The following KCNH7 variants were observed in gnomAD, a reference collection of about 807,000 sequenced individuals.
The protein encoded by KCNH7 is voltage-gated inwardly rectifying potassium channel KCNH7.
A neutral mutation model predicts 120.8 loss-of-function variants in KCNH7; 49 were observed. That is an observed-to-expected ratio of 0.41 (90% CI 0.32 to 0.51). The LOEUF is 0.51. KCNH7 is among the 20% of genes least tolerant of loss of function. The pLI is 0.38. For synonymous variants in KCNH7, 547 were observed against 516.1 expected, an observed-to-expected ratio of 1.06 and a Z score of -0.81; for missense variants, 1,097 against 1,446.6, an observed-to-expected ratio of 0.76 and a Z score of 3.92.
At chr2:162,625,172 C>A (rs1433213850) in intron 2 of KCNH7, among the ~76,000 whole-genome samples, 1 of 152,090 alleles carries the variant, frequency 6.6e-6, no homozygotes, top group African/African-American at 2.4e-5. Context: ...GCTGGGGTTA[C>A]AGGCATGAGC....
chr2:162,504,221 T>C (rs537656376), intron 6 of KCNH7, among the ~76,000 whole-genome samples: 75 of 152,182 alleles, frequency 4.9e-4, no homozygotes, highest in Non-Finnish European at 9.7e-4. Flanking sequence ...AACCATGCCA[T>C]GTTAGCCCAT....
chr2:162,450,073 A>G (rs1419025319), intron 6 of KCNH7, among the ~76,000 whole-genome samples: 4 of 152,050 alleles, frequency 2.6e-5, no homozygotes, highest in Non-Finnish European at 5.9e-5. Flanking sequence ...AGTATTACCA[A>G]CTTCAAAGAT....
At chr2:162,506,574 G>A (rs1439907454) in intron 5 of KCNH7, among the ~76,000 whole-genome samples, 2 of 151,858 alleles carry the variant, frequency 1.3e-5, no homozygotes, top group African/African-American at 4.8e-5. Flanking sequence ...CAAATATATA[G>A]TTAAATTGTA....
chr2:162,470,544 C>T (rs963830344), intron 6 of KCNH7, among the ~76,000 whole-genome samples: 15 of 151,584 alleles, frequency 9.9e-5, no homozygotes, highest in East Asian at 2.0e-4. Context: ...GGAGCGTCTC[C>T]GCCCGGCAGC....
intron 2 of KCNH7, among the ~76,000 whole-genome samples, chr2:162,726,076 A>G (rs1316592577): frequency 6.6e-6 from 1 of 152,218 alleles, no homozygotes; most frequent in African/African-American, 2.4e-5. Flanking sequence ...CACTCATTGC[A>G]TTTAGTAGAA....
rs540152567 is a variant in KCNH7 at position 162,620,032 on chromosome 2, C to G, written c.308-82952G>C. Among the ~76,000 whole-genome samples the G allele has an allele frequency of 6.6e-5, 10 of 151,334 alleles. No individual in the cohort carries two copies. The South Asian group carries it at 2.1e-3, about 31-fold the overall frequency. ...GAGACCTGTGCTGTTCTCAGACCCACTATACACAGTATATACATATATATG... is the reference window on the plus strand; with the variant it reads ...GAGACCTGTGCTGTTCTCAGACCCAGTATACACAGTATATACATATATATG... On this transcript the variant is annotated intron_variant, in intron 2 of 15. Coordinates refer to ENST00000332142, the MANE Select transcript of KCNH7 (RefSeq NM_033272.4).
At chr2:162,442,879 C>T (rs943006085) in intron 7 of KCNH7, among the ~76,000 whole-genome samples, 2 of 152,222 alleles carry the variant, frequency 1.3e-5, no homozygotes, top group East Asian at 1.9e-4. Flanking sequence ...TAAGAAATTA[C>T]GACTGTTCTT....
intron 2 of KCNH7, among the ~76,000 whole-genome samples, chr2:162,770,176 C>A (rs1332663942): frequency 6.6e-6 from 1 of 151,950 alleles, no homozygotes; most frequent in Non-Finnish European, 1.5e-5. Context: ...TCAATCCACT[C>A]ATCCCTTTAC....
In KCNH7 at chr2:162,423,462, G is replaced by A; in HGVS notation, c.2028C>T (p.Tyr676=). ...CTTTTACTCGCAGCATCTGCATGTG[G>A]TACCTGGCAGTTCCCGAGTATAGTC... ...IQRLYSGTAR[Y]HMQMLRVKEF... The change falls in exon 9 of 16, where the codon TAC becomes TAT. Residue 676 remains tyrosine (Y), a synonymous_variant. Transcript: ENST00000332142. The A allele has an allele frequency of 6.2e-7, 1 of 1,613,988 alleles. No homozygotes were observed.
At chr2:162,733,302 A>C (rs1687791322) in intron 2 of KCNH7, among the ~76,000 whole-genome samples, 1 of 152,220 alleles carries the variant, frequency 6.6e-6, no homozygotes. Context: ...TAGCCCATGT[A>C]GATTACATTA....
At chr2:162,824,791 A>G (rs964170404) in intron 2 of KCNH7, among the ~76,000 whole-genome samples, 11 of 152,096 alleles carry the variant, frequency 7.2e-5, no homozygotes, top group Admixed American at 4.6e-4. Flanking sequence ...TTGTTTATTT[A>G]TTATGACTTT....
intron 2 of KCNH7, among the ~76,000 whole-genome samples, chr2:162,738,576 G>A (rs957200645): frequency 2.6e-5 from 4 of 152,112 alleles, no homozygotes; most frequent in African/African-American, 9.7e-5. Flanking sequence ...GAAAACAAGA[G>A]ACCCACAGGA....
At chr2:162,621,625 T>G (rs1479224736) in intron 2 of KCNH7, among the ~76,000 whole-genome samples, 1 of 152,180 alleles carries the variant, frequency 6.6e-6, no homozygotes, top group Non-Finnish European at 1.5e-5. Flanking sequence ...AGGCTTTAAA[T>G]AAATTCAGTA....
chr2:162,452,149 CAGA>C (rs1396960488), intron 6 of KCNH7, among the ~76,000 whole-genome samples: 1 of 151,758 alleles, frequency 6.6e-6, no homozygotes, highest in African/African-American at 2.4e-5. Flanking sequence ...CAGAACAATC[CAGA>C]GTTGGGGGAG....
chr2:162,480,834 G>A (rs923624484), intron 6 of KCNH7, among the ~76,000 whole-genome samples: 3 of 152,102 alleles, frequency 2.0e-5, no homozygotes, highest in African/African-American at 7.2e-5. Context: ...ACGAAGTGAG[G>A]GGGTTAAGGA....
At chr2:162,579,267 T>C (rs1693792252) in intron 2 of KCNH7, among the ~76,000 whole-genome samples, 1 of 151,976 alleles carries the variant, frequency 6.6e-6, no homozygotes, top group African/African-American at 2.4e-5. Context: ...GCTAAAGTGG[T>C]CCCTTGGCTC....
chr2:162,610,481 G>A (rs2200475), intron 2 of KCNH7, among the ~76,000 whole-genome samples: 96,772 of 152,094 alleles, frequency 0.64, 32,378 homozygotes, highest in African/African-American at 0.84. Flanking sequence ...AAATAAAAGT[G>A]GTTAGAACAT....
chr2:162,578,939 T>A (rs1047922559), intron 2 of KCNH7, among the ~76,000 whole-genome samples: 4 of 151,836 alleles, frequency 2.6e-5, no homozygotes, highest in African/African-American at 9.7e-5. Context: ...TTTTTTTTTT[T>A]AATCTGTGGC....
chr2:162,636,195 A>T (rs1370882281), intron 2 of KCNH7, among the ~76,000 whole-genome samples: 1 of 152,118 alleles, frequency 6.6e-6, no homozygotes, highest in African/African-American at 2.4e-5. Context: ...ACAGCCTAAA[A>T]TTAGCACTAT....
Sources: allele counts gnomAD v4.1 joint callset (sites outside exome capture counted in the v4.1 genomes callset), GRCh38; gene constraint gnomAD v4.1.1; transcripts MANE v1.5; gene names NCBI Gene and HGNC (gene_info 2026-07-23, HGNC 2026-07-21).